Variants in DYM observed in about 807,000 individuals in gnomAD.
DYM encodes dyggve-Melchior-Clausen syndrome protein.
Under a neutral mutation model 93.1 loss-of-function variants are expected in DYM, and 78 were observed. The ratio of observed to expected loss-of-function variants is 0.84; its 90% CI spans 0.70 to 1.01. The LOEUF (loss-of-function observed/expected upper bound fraction) is 1.01. Among genes scored for constraint, DYM ranks in the 50% least tolerant of loss-of-function variants. The pLI, the probability that DYM is intolerant of heterozygous loss-of-function variation, is 0.00. For missense variants in DYM, 789 were observed against 845.0 expected (o/e 0.93, Z 0.82); for synonymous variants, 321 against 319.7 (o/e 1.00, Z -0.04).
At chr18:49,428,041 C>T (rs763481020) in intron 2 of DYM, among the ~76,000 whole-genome samples, 1 of 151,844 alleles carries the variant, frequency 6.6e-6, no homozygotes, top group Non-Finnish European at 1.5e-5. Context: ...TAGTGAGCTA[C>T]GATCGCACCA....
chr18:49,379,710 A>C lies in DYM; in HGVS notation c.242T>G (p.Phe81Cys). ...TTTTAGTTCTTTGGTTCTAGAAAGG[A>C]AGACCTTAATTAGTGCACCAAGATT... ...TGNLGALIKVFLSRTKELKLS... is the reference protein window; with the variant it reads ...TGNLGALIKVCLSRTKELKLS... Residue 81 changes from phenylalanine to cysteine, a missense_variant, in exon 4 of 18, where the codon TTC becomes TGC. Phe to Cys is a radical substitution (Grantham distance 205). Transcript: ENST00000675505. The C allele has an allele frequency of 6.2e-7, 1 of 1,613,442 alleles. No individual in the cohort carries two copies. Among genetic ancestry groups the C allele is most frequent in the Non-Finnish European group, 8.5e-7 (1 of 1,179,554 alleles).
intron 13 of DYM, among the ~76,000 whole-genome samples, chr18:49,250,919 C>T (rs886365361): frequency 6.6e-6 from 1 of 152,220 alleles, no homozygotes; most frequent in African/African-American, 2.4e-5. Context: ...GACTATGTCA[C>T]TTTAAGAAAG....
intron 8 of DYM, among the ~76,000 whole-genome samples, chr18:49,316,586 G>A (rs145890051): frequency 3.9e-5 from 6 of 152,148 alleles, no homozygotes; most frequent in South Asian, 2.1e-4. Flanking sequence ...TAAAAACAAC[G>A]TTTACTGAAG....
At chr18:49,434,890 T>A (rs1371333633) in intron 1 of DYM, among the ~76,000 whole-genome samples, 1 of 151,606 alleles carries the variant, frequency 6.6e-6, no homozygotes, top group African/African-American at 2.4e-5. Context: ...AAGAAAAAAA[T>A]TTATAAACTG....
At chr18:49,378,417 CAGAAAA>C in intron 5 of DYM, 144 bp downstream of exon 5, 1 of 778,540 alleles carries the variant, frequency 1.3e-6, no homozygotes, top group South Asian at 1.9e-5. Context: ...TAAATTAACA[CAGAAAA>C]AGAAAAAATG....
At chr18:49,163,914 T>C (rs942085895) in intron 14 of DYM, 127 bp from the exon 15 acceptor site, 7 of 681,922 alleles carry the variant, frequency 1.0e-5, no homozygotes, top group Admixed American at 6.7e-5. Flanking sequence ...TCTTTCTTCA[T>C]GCCTGTGTTA....
chr18:49,260,297 G>A (rs1015705454), intron 11 of DYM, among the ~76,000 whole-genome samples: 3 of 152,126 alleles, frequency 2.0e-5, no homozygotes, highest in Non-Finnish European at 2.9e-5. Flanking sequence ...CATGAGAATC[G>A]CTTGAAGCCA....
At chr18:49,086,558 G>A in intron 17 of DYM, among the ~76,000 whole-genome samples, 1 of 152,164 alleles carries the variant, frequency 6.6e-6, no homozygotes, top group South Asian at 2.1e-4. Flanking sequence ...GGAGAACTAG[G>A]TGCCATAGAT....
At chr18:49,319,968 A>T (rs2062337025) in intron 8 of DYM, among the ~76,000 whole-genome samples, 1 of 152,208 alleles carries the variant, frequency 6.6e-6, no homozygotes, top group Non-Finnish European at 1.5e-5. Flanking sequence ...ATGGTATCAC[A>T]AAGATTATGA....
intron 10 of DYM, among the ~76,000 whole-genome samples, chr18:49,281,713 A>T (rs942474458): frequency 1.2e-4 from 18 of 152,228 alleles, no homozygotes; most frequent in Non-Finnish European, 1.9e-4. Flanking sequence ...ACAAAAAACC[A>T]GACACTGCAT....
chr18:49,288,292 T>A (rs1194654533), intron 8 of DYM, among the ~76,000 whole-genome samples: 1 of 152,110 alleles, frequency 6.6e-6, no homozygotes, highest in Non-Finnish European at 1.5e-5. Context: ...AAGCTTTACA[T>A]ACAATCAATA....
At chr18:49,160,227 T>A (rs2086931792) in intron 15 of DYM, among the ~76,000 whole-genome samples, 2 of 152,164 alleles carry the variant, frequency 1.3e-5, no homozygotes, top group African/African-American at 4.8e-5. Context: ...TTGTTTTATT[T>A]CCCCTTAAAC....
chr18:49,219,421 C>T (rs1269711848), intron 13 of DYM, among the ~76,000 whole-genome samples: 12 of 152,304 alleles, frequency 7.9e-5, no homozygotes, highest in Admixed American at 5.9e-4. Context: ...CCAGCATCAT[C>T]CTGATACCAA....
At chr18:49,324,423 G>T (rs1326840944) in intron 8 of DYM, among the ~76,000 whole-genome samples, 4 of 152,108 alleles carry the variant, frequency 2.6e-5, no homozygotes, top group African/African-American at 7.2e-5. Flanking sequence ...AATAAGAAAT[G>T]GTACCATAGT....
chr18:49,407,798 C>T (rs763920528), intron 2 of DYM, among the ~76,000 whole-genome samples: 5 of 152,156 alleles, frequency 3.3e-5, no homozygotes, highest in Non-Finnish European at 7.3e-5. Flanking sequence ...GGGATTGTAC[C>T]AATGTCAGTT....
intron 17 of DYM, among the ~76,000 whole-genome samples, chr18:49,056,691 C>A (rs1341227248): frequency 6.7e-6 from 1 of 149,640 alleles, no homozygotes; most frequent in Non-Finnish European, 1.5e-5. Flanking sequence ...GCGCATGCCA[C>A]CACAACTGGG....
chr18:49,270,560 G>C (rs1223041924), intron 11 of DYM, among the ~76,000 whole-genome samples: 7 of 152,018 alleles, frequency 4.6e-5, no homozygotes, highest in Non-Finnish European at 1.0e-4. Context: ...CCAAAGGAGA[G>C]TATCATTGCT....
At chr18:49,362,972 C>T (rs1283199855) in intron 6 of DYM, among the ~76,000 whole-genome samples, 189 bp downstream of exon 6, 2 of 152,190 alleles carry the variant, frequency 1.3e-5, no homozygotes, top group African/African-American at 4.8e-5. Flanking sequence ...AACAACGTAA[C>T]ATTTTTGTTT....
chr18:49,147,954 C>A (rs2085349194), intron 15 of DYM, among the ~76,000 whole-genome samples: 1 of 152,162 alleles, frequency 6.6e-6, no homozygotes, highest in South Asian at 2.1e-4. Flanking sequence ...AAATGTCCAA[C>A]AATGATAGAC....
Sources: allele counts gnomAD v4.1 joint callset (sites outside exome capture counted in the v4.1 genomes callset), GRCh38; gene constraint gnomAD v4.1.1; transcripts MANE v1.5; gene names NCBI Gene and HGNC (gene_info 2026-07-23, HGNC 2026-07-21).